The following MAD1L1 variants were observed in gnomAD, a reference collection of about 807,000 sequenced individuals.
MAD1L1 encodes the protein mitotic spindle assembly checkpoint protein MAD1.
A neutral mutation model predicts 96.9 loss-of-function variants in MAD1L1; 95 were observed. That is an observed-to-expected ratio of 0.98 (90% CI 0.83 to 1.16). The LOEUF (loss-of-function observed/expected upper bound fraction) is 1.16, where lower values mean the gene tolerates loss of function less well. MAD1L1 is among the 50% of genes most tolerant of loss of function. The pLI, the probability that MAD1L1 is intolerant of heterozygous loss-of-function variation, is 0.00. For synonymous variants in MAD1L1, 473 were observed against 396.6 expected (o/e 1.19, Z -2.29); for missense variants, 1,007 against 954.4 (o/e 1.06, Z -0.73).
rs1780854175 is a variant in MAD1L1 at position 1,980,513 on chromosome 7, G to A, written c.1445C>T (p.Ser482Phe). The A allele has an allele frequency of 5.6e-6, 9 of 1,605,916 alleles. No homozygotes were observed. Among genetic ancestry groups the A allele is most frequent in the Non-Finnish European group, 7.6e-6 (9 of 1,178,896 alleles). ...MLEMELKMLK[S>F]QSSSAEQSFL... ...GCTCTGTTCGGCAGAGCTGGACTGAGACTTCAGCATCTTCAGCTCCATCTC... is the reference window on the plus strand; with the variant it reads ...GCTCTGTTCGGCAGAGCTGGACTGAAACTTCAGCATCTTCAGCTCCATCTC... The change falls in exon 15 of 19, where the codon TCT becomes TTT. Residue 482 changes from serine (S) to phenylalanine (F), a missense_variant. Physicochemically the swap from Ser to Phe is radical, Grantham distance 155. Transcript: ENST00000265854.
intron 10 of MAD1L1, among the ~76,000 whole-genome samples, chr7:2,194,588 G>A (rs181294725): frequency 1.4e-4 from 21 of 152,244 alleles, no homozygotes; most frequent in Admixed American, 1.0e-3. Context: ...AATTGTAACA[G>A]AGACCTTATG....
rs565552472 is a variant in MAD1L1, at chr7:2,002,227, G to A, written c.1360-106C>T. On this transcript the variant is annotated intron_variant, in intron 13 of 18. Transcript: ENST00000265854. ...CCACCCCGCAGCCTCCACTCTCTGG[G>A]GAGCAACGGGACCCAGGAGCTGGGA... The A allele has an allele frequency of 4.5e-5, 51 of 1,126,492 alleles. No individual in the cohort carries two copies. In the African/African-American group the frequency reaches 6.8e-4, roughly 15 times the overall value. The allele number at this position is 1,126,492 out of a possible 1,614,324, so 69.8% of individuals were successfully genotyped here.
intron 18 of MAD1L1, among the ~76,000 whole-genome samples, chr7:1,861,178 C>T (rs1178755776): frequency 2.6e-5 from 4 of 152,178 alleles, no homozygotes; most frequent in Admixed American, 6.5e-5. Context: ...GGTGACCCCC[C>T]GGGGCTGAGG....
chr7:1,917,663 C>T (rs1013052877), intron 17 of MAD1L1, among the ~76,000 whole-genome samples: 2 of 152,210 alleles, frequency 1.3e-5, no homozygotes, highest in Non-Finnish European at 1.5e-5. Flanking sequence ...GGTGTCGCGG[C>T]GACGGAGCTG....
intron 18 of MAD1L1, among the ~76,000 whole-genome samples, chr7:1,859,083 TGA>T (rs1238167609): frequency 1.2e-5 from 1 of 83,418 alleles, no homozygotes; most frequent in East Asian, 6.9e-4. Flanking sequence ...GCCAGGCACC[TGA>T]GAGAGGCCTG....
chr7:2,040,341 C>T (rs1783619110), intron 12 of MAD1L1, among the ~76,000 whole-genome samples: 1 of 152,204 alleles, frequency 6.6e-6, no homozygotes, highest in Non-Finnish European at 1.5e-5. Context: ...AACTGGAATG[C>T]TGGATCTTGT....
intron 18 of MAD1L1, among the ~76,000 whole-genome samples, chr7:1,828,231 AAC>A (rs1782528632): frequency 6.7e-6 from 1 of 149,438 alleles, no homozygotes; most frequent in African/African-American, 2.6e-5. Context: ...AATGTGAAAC[AAC>A]AGTTTTCAGT....
chr7:2,073,036 G>A (rs1014190264), intron 11 of MAD1L1, among the ~76,000 whole-genome samples: 3 of 152,198 alleles, frequency 2.0e-5, no homozygotes, highest in African/African-American at 4.8e-5. Flanking sequence ...CCAAGACTGG[G>A]TCCCAGGAAC....
At chr7:2,002,591 C>T (rs1000797671) in intron 13 of MAD1L1, among the ~76,000 whole-genome samples, 25 of 152,152 alleles carry the variant, frequency 1.6e-4, no homozygotes, top group African/African-American at 6.0e-4. Context: ...AGCATCTCCT[C>T]CACCACGGCC....
chr7:2,190,273 C>A (rs920258690), intron 10 of MAD1L1, among the ~76,000 whole-genome samples: 3 of 152,158 alleles, frequency 2.0e-5, no homozygotes, highest in African/African-American at 7.2e-5. Flanking sequence ...AGGCTTTCAT[C>A]AGAGGTGCCA....
intron 3 of MAD1L1, among the ~76,000 whole-genome samples, chr7:2,226,188 G>A (rs573620430): frequency 1.5e-3 from 232 of 152,304 alleles, no homozygotes; most frequent in Middle Eastern, 0.01. Context: ...GCCCACCCAC[G>A]TAATCTCCCT....
chr7:1,917,700 G>C (rs1788500052), intron 17 of MAD1L1, among the ~76,000 whole-genome samples: 1 of 152,222 alleles, frequency 6.6e-6, no homozygotes, highest in Non-Finnish European at 1.5e-5. Flanking sequence ...ACCGTAGCAA[G>C]AGCAAGAGGG....
chr7:2,178,748 T>C (rs909903010), intron 10 of MAD1L1, among the ~76,000 whole-genome samples: 39 of 151,918 alleles, frequency 2.6e-4, no homozygotes, highest in African/African-American at 9.4e-4. Flanking sequence ...AATACAAAAA[T>C]TAGCCGGGTG....
intron 15 of MAD1L1, among the ~76,000 whole-genome samples, chr7:1,961,188 A>G (rs1779938587): frequency 6.6e-6 from 1 of 152,184 alleles, no homozygotes; most frequent in South Asian, 2.1e-4. Context: ...CCCCAAATTA[A>G]TCCACAGAAT....
At chr7:2,168,822 G>T (rs1423124374) in intron 10 of MAD1L1, among the ~76,000 whole-genome samples, 1 of 152,230 alleles carries the variant, frequency 6.6e-6, no homozygotes, top group East Asian at 1.9e-4. Flanking sequence ...GGGGCGTGGG[G>T]CCCAGAGGCC....
chr7:2,220,603 G>A (rs1332227705), intron 5 of MAD1L1, among the ~76,000 whole-genome samples: 3 of 152,198 alleles, frequency 2.0e-5, no homozygotes, highest in African/African-American at 4.8e-5. Flanking sequence ...TGGCTGGGCG[G>A]CACCCTCCGC....
intron 14 of MAD1L1, among the ~76,000 whole-genome samples, chr7:1,990,591 G>A (rs894880011): frequency 1.3e-5 from 2 of 152,262 alleles, no homozygotes; most frequent in South Asian, 2.1e-4. Flanking sequence ...GGCATGTCCC[G>A]GCCGAATGTT....
At chr7:1,956,482 G>T (rs1397832954) in intron 16 of MAD1L1, among the ~76,000 whole-genome samples, 1 of 152,150 alleles carries the variant, frequency 6.6e-6, no homozygotes, top group East Asian at 1.9e-4. Context: ...GCTTCCCCAG[G>T]ACCACCAGGC....
chr7:2,224,950 C>T (rs1457192833), intron 4 of MAD1L1, among the ~76,000 whole-genome samples: 5 of 152,206 alleles, frequency 3.3e-5, no homozygotes, highest in African/African-American at 1.2e-4. Flanking sequence ...GTCACTCCTA[C>T]ACCACTTGGC....
Sources: gnomAD v4.1 joint callset for allele counts (sites outside exome capture counted in the v4.1 genomes callset) on GRCh38, gnomAD v4.1.1 for gene constraint, MANE v1.5 for transcripts, NCBI Gene and HGNC (gene_info 2026-07-23, HGNC 2026-07-21) for gene names.